The following TMEM163 variants were observed in gnomAD, a reference collection of about 807,000 sequenced individuals.
TMEM163 encodes transmembrane protein 163.
Under a neutral mutation model 29.3 loss-of-function variants are expected in TMEM163, and 17 were observed. That is an observed-to-expected ratio of 0.58 (90% CI 0.40 to 0.87). The LOEUF (loss-of-function observed/expected upper bound fraction) is 0.87. Ranked by LOEUF, TMEM163 falls within the 40% of genes least tolerant of loss-of-function variation. The pLI, the probability that TMEM163 is intolerant of heterozygous loss-of-function variation, is 0.00. For synonymous variants in TMEM163, 157 were observed against 160.6 expected, an observed-to-expected ratio of 0.98 and a Z score of 0.17; for missense variants, 303 against 381.5, an observed-to-expected ratio of 0.79 and a Z score of 1.71.
chr2:134,666,289 T>G (rs1683872421), intron 2 of TMEM163, among the ~76,000 whole-genome samples: 1 of 126,506 alleles, frequency 7.9e-6, no homozygotes. Flanking sequence ...CACTACAGAA[T>G]AAAACTCAAG....
At chr2:134,709,846 G>A (rs936758282) in intron 2 of TMEM163, among the ~76,000 whole-genome samples, 1 of 152,202 alleles carries the variant, frequency 6.6e-6, no homozygotes, top group Non-Finnish European at 1.5e-5. Flanking sequence ...TTTGCAGTCT[G>A]TTCTCTCTGA....
intron 2 of TMEM163, among the ~76,000 whole-genome samples, chr2:134,655,656 GT>G (rs1401903467): frequency 7.1e-6 from 1 of 140,982 alleles, no homozygotes; most frequent in Non-Finnish European, 1.5e-5. Flanking sequence ...TTTCTGTTCT[GT>G]TTTTTCCCCA....
intron 2 of TMEM163, among the ~76,000 whole-genome samples, chr2:134,699,999 G>C (rs115118538): frequency 4.0e-5 from 6 of 151,024 alleles, no homozygotes; most frequent in African/African-American, 1.5e-4. Context: ...GTGGTCTTAC[G>C]TTTTAAATTT....
intron 2 of TMEM163, among the ~76,000 whole-genome samples, chr2:134,647,610 T>C (rs1411260781): frequency 6.6e-6 from 1 of 152,186 alleles, no homozygotes; most frequent in East Asian, 1.9e-4. Context: ...ACACCACAGA[T>C]ACTAAGAAAA....
intron 2 of TMEM163, among the ~76,000 whole-genome samples, chr2:134,595,733 C>G (rs564534488): frequency 3.3e-5 from 5 of 152,342 alleles, no homozygotes; most frequent in African/African-American, 1.2e-4. Context: ...GTCCCACCAA[C>G]AGTGTAAAAG....
At chr2:134,612,069 C>T (rs1216208176) in intron 2 of TMEM163, among the ~76,000 whole-genome samples, 2 of 152,178 alleles carry the variant, frequency 1.3e-5, no homozygotes, top group Non-Finnish European at 2.9e-5. Flanking sequence ...GCCTTGCCAC[C>T]ACCACAGGTG....
intron 2 of TMEM163, 86 bp downstream of exon 2, chr2:134,713,114 T>TAAA: frequency 6.4e-7 from 1 of 1,550,454 alleles, no homozygotes; most frequent in South Asian, 1.3e-5. Context: ...AATAGTCAAC[T>TAAA]AAAAGCAAAA....
At chr2:134,691,954 T>A (rs1270984533) in intron 2 of TMEM163, among the ~76,000 whole-genome samples, 1 of 152,144 alleles carries the variant, frequency 6.6e-6, no homozygotes, top group Non-Finnish European at 1.5e-5. Context: ...AGTGGATATC[T>A]TTGCAGATGT....
intron 5 of TMEM163, among the ~76,000 whole-genome samples, chr2:134,484,126 G>T (rs961543389): frequency 2.6e-5 from 4 of 152,130 alleles, no homozygotes; most frequent in Non-Finnish European, 5.9e-5. Context: ...GGCTGACAGG[G>T]TAAGAATCCC....
intron 5 of TMEM163, among the ~76,000 whole-genome samples, chr2:134,480,185 TCA>T (rs1687016606): frequency 6.6e-6 from 1 of 152,140 alleles, no homozygotes; most frequent in Non-Finnish European, 1.5e-5. Flanking sequence ...TCCTCTGCCC[TCA>T]CCTCCTAACA....
intron 5 of TMEM163, among the ~76,000 whole-genome samples, chr2:134,498,732 G>T (rs1679635291): frequency 6.6e-6 from 1 of 152,222 alleles, no homozygotes. Flanking sequence ...GGCAGGAGTA[G>T]CCAGAAAGGC....
chr2:134,544,263 C>T (rs1387481216), intron 4 of TMEM163, among the ~76,000 whole-genome samples: 3 of 152,146 alleles, frequency 2.0e-5, no homozygotes, highest in Non-Finnish European at 4.4e-5. Context: ...CCATGTCATT[C>T]GGCCCTGCCA....
In TMEM163 at chr2:134,680,445, C is replaced by T. The variant is rs76866852; in HGVS notation, c.322+32755G>A. 4.1e-4 allele frequency among the ~76,000 whole-genome samples: 63 copies of T among 152,178 alleles called. No individual in the cohort carries two copies. The East Asian group carries it at 0.011, about 27-fold the overall frequency. On this transcript the variant is annotated intron_variant, in intron 2 of 7. Coordinates refer to ENST00000281924, the MANE Select transcript of TMEM163 (RefSeq NM_030923.5). ...CCAACCTGGGCTACAGAGCTAGACC[C>T]TGTCTCAAAAACAAACAAAAAAACG...
At chr2:134,542,286 C>T (rs1431751800) in intron 4 of TMEM163, among the ~76,000 whole-genome samples, 1 of 152,176 alleles carries the variant, frequency 6.6e-6, no homozygotes, top group Admixed American at 6.6e-5. Context: ...TCGTGACCCT[C>T]CCTCCCTTTC....
chr2:134,629,058 A>C (rs1400913037), intron 2 of TMEM163, among the ~76,000 whole-genome samples: 5 of 152,218 alleles, frequency 3.3e-5, no homozygotes, highest in Admixed American at 3.3e-4. Flanking sequence ...TCTTGGATTG[A>C]GCATTCATGA....
At chr2:134,544,116 A>AC (rs967490509) in intron 4 of TMEM163, among the ~76,000 whole-genome samples, 21 of 151,818 alleles carry the variant, frequency 1.4e-4, no homozygotes, top group African/African-American at 4.4e-4. Flanking sequence ...AATGTCAGAG[A>AC]CCCCCCAGTG....
chr2:134,613,708 G>A (rs1363721512), intron 2 of TMEM163, among the ~76,000 whole-genome samples: 3 of 151,672 alleles, frequency 2.0e-5, no homozygotes, highest in African/African-American at 7.3e-5. Context: ...ACAAGCAAAT[G>A]GAAGCTGAAA....
chr2:134,681,722 T>C (rs1473786503), intron 2 of TMEM163, among the ~76,000 whole-genome samples: 1 of 152,162 alleles, frequency 6.6e-6, no homozygotes, highest in Non-Finnish European at 1.5e-5. Context: ...ATGACCCTGG[T>C]TCCCAGCACA....
At chr2:134,575,118 G>A (rs563547578) in intron 2 of TMEM163, among the ~76,000 whole-genome samples, 4 of 152,118 alleles carry the variant, frequency 2.6e-5, no homozygotes, top group Admixed American at 2.0e-4. Flanking sequence ...GGAAGGGAAC[G>A]CAATGACCTT....
Sources: allele counts gnomAD v4.1 joint callset (sites outside exome capture counted in the v4.1 genomes callset), GRCh38; gene constraint gnomAD v4.1.1; transcripts MANE v1.5; gene names NCBI Gene and HGNC (gene_info 2026-07-23, HGNC 2026-07-21).